ANKRD28: variants seen among roughly 807,000 people sequenced by gnomAD.
ANKRD28 encodes serine/threonine-protein phosphatase 6 regulatory ankyrin repeat subunit A.
In ANKRD28, 44 loss-of-function variants were observed where a neutral mutation model predicts 126.5. The ratio of observed to expected loss-of-function variants is 0.35; its 90% CI spans 0.27 to 0.45. The LOEUF (loss-of-function observed/expected upper bound fraction) is 0.45, where lower values mean the gene tolerates loss of function less well. Ranked by LOEUF, ANKRD28 falls within the 20% of genes least tolerant of loss-of-function variation. The pLI is 1.00. For missense variants in ANKRD28, 1,110 were observed against 1,316.6 expected, an observed-to-expected ratio of 0.84 and a Z score of 2.43; for synonymous variants, 442 against 468.5, an observed-to-expected ratio of 0.94 and a Z score of 0.73.
chr3:15,736,920 T>G, intron 5 of ANKRD28, 113 bp downstream of exon 5: 14 of 1,123,394 alleles, frequency 1.2e-5, no homozygotes, highest in East Asian at 2.4e-5. Flanking sequence ...TAGACAAAAA[T>G]GAGAAAGATA....
intron 1 of ANKRD28, among the ~76,000 whole-genome samples, chr3:15,826,026 A>G (rs1042309822): frequency 7.9e-5 from 12 of 152,158 alleles, no homozygotes; most frequent in African/African-American, 1.2e-4. Context: ...AGAAAATAAT[A>G]ATTACATAAT....
chr3:15,797,682 C>T lies in ANKRD28; in HGVS notation c.-1161G>A, dbSNP rs1187353960. 7.6e-5 allele frequency: 75 copies of T among 985,258 alleles called. No homozygotes were observed. The highest frequency in any genetic ancestry group is 9.0e-5 in the Non-Finnish European group (75 of 829,918). 61.0% of individuals were successfully genotyped at this position (985,258 alleles called of 1,614,324 possible). On this transcript the variant is annotated 5_prime_UTR_variant, in exon 1 of 28. Transcript: ENST00000683139. Reference sequence around the variant, plus strand: ...GAGAAAAAAATAGCAGACTGTGCATCTTCTTTGAGCCAACTACTTTATTCA... The same window carrying T: ...GAGAAAAAAATAGCAGACTGTGCATTTTCTTTGAGCCAACTACTTTATTCA...
In ANKRD28 at chr3:15,692,421, G is replaced by A. The variant is rs983695955; in HGVS notation, c.1762-2201C>T. Among the ~76,000 whole-genome samples, 3 of 152,184 alleles carry A rather than the reference G, an allele frequency of 2.0e-5. No individual in the cohort carries two copies. In the East Asian group the frequency reaches 5.8e-4, roughly 29 times the overall value. On this transcript the variant is annotated intron_variant, in intron 17 of 27. Coordinates refer to ENST00000683139, the MANE Select transcript of ANKRD28 (RefSeq NM_001349278.2). ...GCCGTGATTGTGCCACTACACTCCAGCCTGGATGACAGAGTGAGACAATGA... is the reference window on the plus strand; with the variant it reads ...GCCGTGATTGTGCCACTACACTCCAACCTGGATGACAGAGTGAGACAATGA...
intron 17 of ANKRD28, among the ~76,000 whole-genome samples, chr3:15,692,618 T>G (rs2068957284): frequency 6.6e-6 from 1 of 152,212 alleles, no homozygotes; most frequent in Non-Finnish European, 1.5e-5. Flanking sequence ...CCAGTCTCCT[T>G]AAGCCTCAGA....
chr3:15,839,372 C>T lies in ANKRD28; in HGVS notation c.27+20005G>A, dbSNP rs975371032. Among the ~76,000 whole-genome samples, 6 of 151,592 alleles carry T rather than the reference C, an allele frequency of 4.0e-5. No homozygotes were observed. Among genetic ancestry groups the T allele is most frequent in the African/African-American group, 1.5e-4 (6 of 41,286 alleles). On this transcript the variant is annotated intron_variant, in intron 1 of 27. Coordinates refer to the ANKRD28 transcript ENST00000399451. The surrounding 1 kb of genome is among the most constrained non-coding windows in gnomAD (Gnocchi z 4.3). ...AGGACCTTAGCTGTAGAAGACATAA[C>T]AAAAAACAACTGAATTACAGCTGGA...
At chr3:15,810,321 T>C (rs1428979243) in intron 1 of ANKRD28, among the ~76,000 whole-genome samples, 1 of 152,000 alleles carries the variant, frequency 6.6e-6, no homozygotes, top group Non-Finnish European at 1.5e-5. Flanking sequence ...GATAAGTATT[T>C]CAAACTTTAA....
At chr3:15,844,354 C>G (rs145416790) in intron 1 of ANKRD28, among the ~76,000 whole-genome samples, 255 of 151,814 alleles carry the variant, frequency 1.7e-3, no homozygotes, top group African/African-American at 5.9e-3. Flanking sequence ...GGGAACCAAA[C>G]AGATTAGATG....
intron 1 of ANKRD28, among the ~76,000 whole-genome samples, chr3:15,807,816 C>T (rs2060618550): frequency 6.6e-6 from 1 of 152,094 alleles, no homozygotes; most frequent in Non-Finnish European, 1.5e-5. Flanking sequence ...TAGAGATAAG[C>T]TAAATCGATG....
chr3:15,806,953 C>T (rs1352138927), intron 1 of ANKRD28, among the ~76,000 whole-genome samples: 1 of 152,134 alleles, frequency 6.6e-6, no homozygotes, highest in Non-Finnish European at 1.5e-5. Context: ...TCTCAACTGG[C>T]TTAAACAAAG....
At chr3:15,851,844 T>C (rs1030487557) in intron 1 of ANKRD28, among the ~76,000 whole-genome samples, 1 of 152,172 alleles carries the variant, frequency 6.6e-6, no homozygotes, top group Non-Finnish European at 1.5e-5. Context: ...AATGTTTGTA[T>C]CAGCATAACA....
At chr3:15,772,411 G>C (rs2059060442) in intron 2 of ANKRD28, among the ~76,000 whole-genome samples, 1 of 151,894 alleles carries the variant, frequency 6.6e-6, no homozygotes, top group Non-Finnish European at 1.5e-5. Context: ...ACCAAAACCA[G>C]ACAATTACAA....
In ANKRD28 at chr3:15,749,086, CTATAT is replaced by C. The variant is rs2057677500; in HGVS notation, c.351+2659_351+2663del. 3.0e-5 allele frequency among the ~76,000 whole-genome samples: 4 copies of C among 131,888 alleles called. 1 individual carries two copies. The South Asian group carries it at 1.0e-3, about 33-fold the overall frequency. 86.5% of individuals were successfully genotyped at this position (131,888 alleles called of 152,430 possible). A position where few individuals can be genotyped will look rare whatever the true frequency, so the allele number is the denominator to read the frequency against. On this transcript the variant is annotated intron_variant, in intron 4 of 27. Transcript: ENST00000683139. ...CACTAAAGAATTTTCCTTTCATATTCTATATTATGTTTTTGTTTTTTTTTTTTTTT... is the reference window on the plus strand; with the variant it reads ...CACTAAAGAATTTTCCTTTCATATTCTATGTTTTTGTTTTTTTTTTTTTTT...
chr3:15,825,067 T>C (rs2061029793), intron 1 of ANKRD28, among the ~76,000 whole-genome samples: 1 of 152,186 alleles, frequency 6.6e-6, no homozygotes, highest in African/African-American at 2.4e-5. Context: ...GCTTGGCTTA[T>C]CTGTTGTAAA....
At position 15,751,944 on chromosome 3, in the gene ANKRD28, T is replaced by G. The variant is rs527833613; in HGVS notation, c.281-124A>C. The G allele has an allele frequency of 8.2e-6, 5 of 610,538 alleles. No homozygotes were observed. The African/African-American group carries it at 9.6e-5, about 12-fold the overall frequency. The allele number at this position is 610,538 out of a possible 1,614,324, so 37.8% of individuals were successfully genotyped here. ...TGACAATTGAAAAAAAACTTATTTT[T>G]TACACTTTCTGCTGATAAAATTACC... is the stretch of plus-strand genomic sequence containing the variant. On this transcript the variant is annotated intron_variant, in intron 3 of 27. Transcript: ENST00000683139.
At chr3:15,751,607 T>C in intron 4 of ANKRD28, 143 bp downstream of exon 4, 1 of 644,080 alleles carries the variant, frequency 1.6e-6, no homozygotes, top group Non-Finnish European at 2.7e-6. Flanking sequence ...ACTTGGTTTG[T>C]ACAAATTCTA....
At chr3:15,742,519 A>C (rs949946547) in intron 4 of ANKRD28, among the ~76,000 whole-genome samples, 3 of 128,760 alleles carry the variant, frequency 2.3e-5, no homozygotes, top group African/African-American at 9.0e-5. Flanking sequence ...CCATATGAGA[A>C]GTGAGGAGCC....
intron 2 of ANKRD28, among the ~76,000 whole-genome samples, chr3:15,782,972 G>A (rs1394449501): frequency 6.6e-6 from 1 of 151,886 alleles, no homozygotes; most frequent in Non-Finnish European, 1.5e-5. Flanking sequence ...TGATAAATGT[G>A]AAACTTAAAA....
At chr3:15,749,408 G>A (rs538102900) in intron 4 of ANKRD28, among the ~76,000 whole-genome samples, 5 of 152,204 alleles carry the variant, frequency 3.3e-5, no homozygotes, top group Admixed American at 6.5e-5. Context: ...CACCGCGCCC[G>A]GCCTATGTTT....
chr3:15,829,438 T>C (rs939046680), intron 1 of ANKRD28, among the ~76,000 whole-genome samples: 5 of 152,154 alleles, frequency 3.3e-5, no homozygotes, highest in Admixed American at 2.0e-4. Context: ...ACAAGTGATA[T>C]CTCTTAGAAG....
Sources: gnomAD v4.1 joint callset for allele counts (sites outside exome capture counted in the v4.1 genomes callset) on GRCh38, gnomAD v4.1.1 for gene constraint, Gnocchi (gnomAD v3.1) non-coding constraint, MANE v1.5 for transcripts, NCBI Gene and HGNC (gene_info 2026-07-23, HGNC 2026-07-21) for gene names.